The following ZNF568 variants were observed in gnomAD, a reference collection of about 807,000 sequenced individuals.
ZNF568 encodes zinc finger protein 568.
A neutral mutation model predicts 18.1 loss-of-function variants in ZNF568; 11 were observed. The ratio of observed to expected loss-of-function variants is 0.61; its 90% confidence interval spans 0.38 to 1.00. ZNF568 has a LOEUF of 1.00. Ranked by LOEUF, ZNF568 falls within the 50% of genes least tolerant of loss-of-function variation. ZNF568 has a pLI of 0.01. For synonymous variants in ZNF568, 213 were observed against 246.6 expected (o/e 0.86, Z 1.28); for missense variants, 639 against 768.2 (o/e 0.83, Z 1.99).
intron 6 of ZNF568, among the ~76,000 whole-genome samples, chr19:36,964,167 A>C (rs1265823201): frequency 6.6e-6 from 1 of 152,092 alleles, no homozygotes; most frequent in Non-Finnish European, 1.5e-5. Context: ...GATTCAAGTC[A>C]CATAAACATT....
chr19:36,953,238 T>C (rs1347356931), downstream of ZNF568, among the ~76,000 whole-genome samples: 1 of 152,194 alleles, frequency 6.6e-6, no homozygotes, highest in Non-Finnish European at 1.5e-5. Flanking sequence ...GGAAAGTGAC[T>C]TTGCAATATT....
At chr19:36,923,357 G>C (rs991928867) in intron 3 of ZNF568, among the ~76,000 whole-genome samples, 2 of 151,770 alleles carry the variant, frequency 1.3e-5, no homozygotes, top group African/African-American at 4.8e-5. Flanking sequence ...TTTCTAATAT[G>C]GTATTATTTT....
At chr19:36,938,565 G>T (rs1013041454) in intron 6 of ZNF568, among the ~76,000 whole-genome samples, 1 of 152,250 alleles carries the variant, frequency 6.6e-6, no homozygotes, top group South Asian at 2.1e-4. Flanking sequence ...ATAATTTAAT[G>T]GAAACTAGAG....
intron 6 of ZNF568, among the ~76,000 whole-genome samples, chr19:36,959,017 C>A (rs2074129095): frequency 6.6e-6 from 1 of 152,136 alleles, no homozygotes; most frequent in African/African-American, 2.4e-5. Context: ...CCTTTTATTT[C>A]TTTCTCTTGC....
chr19:36,932,218 T>C (rs1339513200), intron 4 of ZNF568, among the ~76,000 whole-genome samples: 2 of 152,248 alleles, frequency 1.3e-5, no homozygotes, highest in Non-Finnish European at 2.9e-5. Flanking sequence ...TCATATGTTT[T>C]CACTTCTCTG....
At chr19:36,973,693 G>A in intron 6 of ZNF568, 1 of 153,292 alleles carries the variant, frequency 6.5e-6, no homozygotes, top group Non-Finnish European at 1.5e-5. Context: ...ATCTGTGCCC[G>A]CTGTGCCTGC....
At chr19:36,929,919 C>G (rs1425422330) in intron 4 of ZNF568, among the ~76,000 whole-genome samples, 1 of 144,922 alleles carries the variant, frequency 6.9e-6, no homozygotes, top group Non-Finnish European at 1.5e-5. Flanking sequence ...ATTATTGCCT[C>G]TTGCCAGGGG....
intron 4 of ZNF568, among the ~76,000 whole-genome samples, chr19:36,935,700 G>C (rs904894166): frequency 6.6e-6 from 1 of 152,042 alleles, no homozygotes; most frequent in Non-Finnish European, 1.5e-5. Context: ...CTTTCTGCCA[G>C]ATTGACCCTT....
chr19:36,941,721 AT>A (rs1399605513), intron 6 of ZNF568, among the ~76,000 whole-genome samples: 1 of 152,214 alleles, frequency 6.6e-6, no homozygotes, highest in East Asian at 1.9e-4. Context: ...AACTTGGGTT[AT>A]CATTTGTTTC....
At chr19:36,956,364 CT>C (rs1250516775), downstream of ZNF568, among the ~76,000 whole-genome samples, 2 of 152,052 alleles carry the variant, frequency 1.3e-5, no homozygotes, top group African/African-American at 4.8e-5. Flanking sequence ...TTTAGAGCAA[CT>C]CTGAAGAGCA....
chr19:36,943,635 T>C (rs1188122698), intron 6 of ZNF568, among the ~76,000 whole-genome samples: 2 of 152,104 alleles, frequency 1.3e-5, no homozygotes, highest in African/African-American at 4.8e-5. Context: ...AGAGCAGTGG[T>C]GTGATCTTAG....
At chr19:36,965,518 A>G (rs2074187495) in intron 6 of ZNF568, among the ~76,000 whole-genome samples, 1 of 152,120 alleles carries the variant, frequency 6.6e-6, no homozygotes, top group Admixed American at 6.6e-5. Context: ...AAGGCCGAAT[A>G]CACTGGGCCT....
At chr19:36,920,121 G>C (rs2073426372) in intron 2 of ZNF568, among the ~76,000 whole-genome samples, 1 of 152,094 alleles carries the variant, frequency 6.6e-6, no homozygotes. Context: ...AGATGTGGAG[G>C]TGAAAGCCAG....
At chr19:36,972,017 T>C (rs1001132399) in intron 6 of ZNF568, among the ~76,000 whole-genome samples, 1 of 141,246 alleles carries the variant, frequency 7.1e-6, no homozygotes, top group African/African-American at 2.7e-5. Flanking sequence ...GTATTTTTAG[T>C]AGAGACAGGG....
intron 6 of ZNF568, among the ~76,000 whole-genome samples, chr19:36,937,695 G>T (rs557341227): frequency 1.3e-5 from 2 of 151,872 alleles, no homozygotes; most frequent in South Asian, 2.1e-4. Context: ...TTTGTGTTTG[G>T]TTAACAATAG....
chr19:36,952,941 TTGA>T (rs1254408629), downstream of ZNF568, among the ~76,000 whole-genome samples: 6 of 152,246 alleles, frequency 3.9e-5, no homozygotes, highest in African/African-American at 9.6e-5. Context: ...TTTTAGCAAC[TTGA>T]TGATGCTGTG....
intron 4 of ZNF568, among the ~76,000 whole-genome samples, chr19:36,927,880 A>G (rs1172375052): frequency 5.5e-5 from 3 of 54,878 alleles, no homozygotes; most frequent in African/African-American, 3.3e-4. Context: ...ATATATATAT[A>G]TATATATTAT....
At chr19:36,986,420 C>G (rs931784108) in intron 2 of ZNF568, among the ~76,000 whole-genome samples, 1 of 152,152 alleles carries the variant, frequency 6.6e-6, no homozygotes, top group African/African-American at 2.4e-5. Flanking sequence ...ATTCCCTGGG[C>G]AAAATAAGCC....
chr19:36,963,550 C>T (rs2074170884), intron 6 of ZNF568, among the ~76,000 whole-genome samples: 1 of 152,156 alleles, frequency 6.6e-6, no homozygotes, highest in East Asian at 1.9e-4. Context: ...GCAATATGAA[C>T]AGCGTTTTAT....
Sources: gnomAD v4.1 joint callset for allele counts (sites outside exome capture counted in the v4.1 genomes callset) on GRCh38, gnomAD v4.1.1 for gene constraint, MANE v1.5 for transcripts, NCBI Gene and HGNC (gene_info 2026-07-23, HGNC 2026-07-21) for gene names.